Variants in PCDHA12 observed in about 807,000 individuals in gnomAD.
PCDHA12 encodes the protein protocadherin alpha-12.
PCDHA12 carries 44 observed loss-of-function variants against 60.0 expected under a neutral mutation model. That is an observed-to-expected ratio of 0.73 (90% CI 0.58 to 0.94). The LOEUF (loss-of-function observed/expected upper bound fraction) is 0.94. Among genes scored for constraint, PCDHA12 ranks in the 40% least tolerant of loss-of-function variants. The probability of loss-of-function intolerance (pLI) is 0.00; values close to 1 mark genes in which losing one functional copy is unlikely to be tolerated. For missense variants in PCDHA12, 1,276 were observed against 1,239.7 expected, an observed-to-expected ratio of 1.03 and a Z score of -0.44; for synonymous variants, 569 against 553.0, an observed-to-expected ratio of 1.03 and a Z score of -0.40.
Position 140,875,464 on chromosome 5 carries a change from T to A in PCDHA12, c.-9T>A, listed in dbSNP as rs782432702. On this transcript the variant is annotated 5_prime_UTR_variant, in exon 1 of 4. Coordinates refer to ENST00000398631, the MANE Select transcript of PCDHA12 (RefSeq NM_018903.4). ...GATTGTCCCAACTCAGAGGCCCTCA[T>A]TTTCTGCAATGGTGATTATCGGACC... is the stretch of plus-strand genomic sequence containing the variant. The A allele has an allele frequency of 6.3e-7, 1 of 1,599,740 alleles. No homozygotes were observed. Among genetic ancestry groups the A allele is most frequent in the Admixed American group, 1.7e-5 (1 of 57,876 alleles).
intron 1 of PCDHA12, among the ~76,000 whole-genome samples, chr5:140,935,394 G>A (rs959098226): frequency 2.0e-5 from 3 of 152,088 alleles, no homozygotes; most frequent in East Asian, 1.9e-4. Flanking sequence ...GTTATCCCAC[G>A]GGACTCAAAC....
chr5:140,967,146 A>C, intron 1 of PCDHA12: 1 of 1,610,972 alleles, frequency 6.2e-7, no homozygotes, highest in Non-Finnish European at 8.5e-7. Flanking sequence ...CTGGCGCACA[A>C]CCCCGTGGCG....
At chr5:141,001,473 G>A (rs1172395730) in intron 3 of PCDHA12, among the ~76,000 whole-genome samples, 1 of 152,220 alleles carries the variant, frequency 6.6e-6, no homozygotes, top group African/African-American at 2.4e-5. Flanking sequence ...AAGCAGCAGC[G>A]GGGAAGTGCT....
In PCDHA12 at chr5:140,982,560, C is replaced by T. The variant is rs782437404; in HGVS notation, c.2512C>T (p.Pro838Ser). 6.2e-7 allele frequency: 1 copy of T among 1,614,098 alleles called. No homozygotes were observed. Among genetic ancestry groups the T allele is most frequent in the Admixed American group, 1.7e-5 (1 of 60,022 alleles). ...GTGGCCAACAGTATCCAGTGCAACA[C>T]CAGGTAAAGAGCTGGGGTCTCTCCA... ...QQWPTVSSAT[P>S]EPEAGEVSPP... The change falls in exon 3 of 4, where the codon CCA (proline) becomes TCA (serine). Residue 838 changes from proline (P) to serine (S), a missense_variant. Coordinates refer to ENST00000398631, the MANE Select transcript of PCDHA12 (RefSeq NM_018903.4).
At chr5:140,989,777 A>G (rs1406464822) in intron 3 of PCDHA12, among the ~76,000 whole-genome samples, 2 of 152,230 alleles carry the variant, frequency 1.3e-5, no homozygotes, top group African/African-American at 4.8e-5. Context: ...AGCACTGGCT[A>G]GAGACTAGAG....
chr5:140,941,225 T>TTC (rs2092914120), intron 1 of PCDHA12, among the ~76,000 whole-genome samples: 17 of 138,026 alleles, frequency 1.2e-4, no homozygotes, highest in African/African-American at 4.7e-4. Context: ...CTTTCTTTCT[T>TTC]TCTTTCTTTC....
chr5:140,883,558 G>A, intron 1 of PCDHA12: 2 of 1,614,190 alleles, frequency 1.2e-6, no homozygotes, highest in South Asian at 1.1e-5. Context: ...CGCGGGACGG[G>A]GGCTCGCCTT....
Position 140,877,356 on chromosome 5 carries a change from T to G in PCDHA12, c.1884T>G (p.Thr628=), listed in dbSNP as rs1227079705. The G allele has an allele frequency of 9.9e-6, 16 of 1,613,866 alleles. No individual in the cohort carries two copies. Among genetic ancestry groups the G allele is most frequent in the Non-Finnish European group, 1.4e-5 (16 of 1,179,878 alleles). Residue 628 remains threonine (T), a synonymous_variant, in exon 1 of 4, where the codon ACT becomes ACG. Coordinates refer to ENST00000398631, the MANE Select transcript of PCDHA12 (RefSeq NM_018903.4). ...AHIPFHVGLY[T]GEISTTRILD... ...TCCCGTTCCACGTGGGGCTGTACACTGGCGAGATCAGCACGACACGCATCC... is the reference window on the plus strand; with the variant it reads ...TCCCGTTCCACGTGGGGCTGTACACGGGCGAGATCAGCACGACACGCATCC...
At chr5:140,971,643 T>C (rs2096490301) in intron 1 of PCDHA12, among the ~76,000 whole-genome samples, 2 of 152,134 alleles carry the variant, frequency 1.3e-5, no homozygotes, top group African/African-American at 4.8e-5. Flanking sequence ...TGTGCCTACA[T>C]TAAAAGTAGA....
rs562972971 is a variant in PCDHA12, at chr5:140,960,395, A to AG, written c.2368-18547dup. 1.1e-4 allele frequency among the ~76,000 whole-genome samples: 17 copies of AG among 152,266 alleles called. No individual in the cohort carries two copies. The Middle Eastern group carries it at 0.014, about 123-fold the overall frequency. ...TTAAGTGCCAAGACATTAGGATGCAAGGGGGGGTGCCCAAAAAGTCAACAA... is the reference window on the plus strand; with the variant it reads ...TTAAGTGCCAAGACATTAGGATGCAAGGGGGGGGTGCCCAAAAAGTCAACAA... On this transcript the variant is annotated intron_variant, in intron 1 of 3. Coordinates refer to ENST00000398631, the MANE Select transcript of PCDHA12 (RefSeq NM_018903.4).
At chr5:140,978,897 G>A in intron 1 of PCDHA12, 52 bp from the exon 2 acceptor site, 2 of 1,612,776 alleles carry the variant, frequency 1.2e-6, no homozygotes, top group South Asian at 1.1e-5. Flanking sequence ...AGCATTCCTG[G>A]GAGAACATTG....
chr5:140,899,721 T>C (rs1415074846), intron 1 of PCDHA12, among the ~76,000 whole-genome samples: 1 of 152,250 alleles, frequency 6.6e-6, no homozygotes, highest in Non-Finnish European at 1.5e-5. Flanking sequence ...GATTCCCTCT[T>C]TTTCTATTGA....
intron 1 of PCDHA12, chr5:140,968,736 A>G (rs1047961532): frequency 3.1e-6 from 5 of 1,614,098 alleles, no homozygotes; most frequent in East Asian, 2.2e-5. Context: ...AGCACTTTCA[A>G]CCTGACCGTG....
chr5:140,969,366 A>C (rs1554231734), intron 1 of PCDHA12: 1 of 1,609,828 alleles, frequency 6.2e-7, no homozygotes. Context: ...CTACAAACTC[A>C]TGCATTTGTT....
At chr5:140,943,927 A>G (rs1407165466) in intron 1 of PCDHA12, among the ~76,000 whole-genome samples, 2 of 152,236 alleles carry the variant, frequency 1.3e-5, no homozygotes, top group East Asian at 1.9e-4. Flanking sequence ...GAGCAGCTTT[A>G]GAAGTGTGGT....
chr5:140,912,393 G>T (rs1312827248), intron 1 of PCDHA12, among the ~76,000 whole-genome samples: 1 of 147,816 alleles, frequency 6.8e-6, no homozygotes, highest in Admixed American at 6.7e-5. Context: ...TTCTTAATTT[G>T]ATTCTCAGCT....
intron 3 of PCDHA12, among the ~76,000 whole-genome samples, chr5:141,007,590 GATA>G (rs1332143320): frequency 4.0e-5 from 6 of 151,858 alleles, no homozygotes; most frequent in Non-Finnish European, 8.8e-5. Context: ...TAATAATCAT[GATA>G]ATAATAAAAG....
chr5:140,877,637 G>C lies in PCDHA12; in HGVS notation c.2165G>C (p.Arg722Pro). 6.2e-7 allele frequency: 1 copy of C among 1,613,638 alleles called. No individual in the cohort carries two copies. Among genetic ancestry groups the C allele is most frequent in the South Asian group, 1.1e-5 (1 of 91,074 alleles). Residue 722 changes from arginine to proline, a missense_variant, in exon 1 of 4, where the codon CGT becomes CCT. By Grantham distance (103) the Arg-to-Pro change is moderately radical (BLOSUM62 -2). Transcript: ENST00000398631. Reference sequence around the variant, plus strand: ...ACGCTGCTGCTGTACACTGCGCTGCGTTGCTCAGCGCCGCCCACCGTGAGC... The same window carrying C: ...ACGCTGCTGCTGTACACTGCGCTGCCTTGCTCAGCGCCGCCCACCGTGAGC... Reference protein sequence around the residue: ...VLTLLLYTALRCSAPPTVSRC... With the variant: ...VLTLLLYTALPCSAPPTVSRC...
intron 1 of PCDHA12, among the ~76,000 whole-genome samples, chr5:140,911,819 A>C (rs2075652599): frequency 6.6e-6 from 1 of 152,164 alleles, no homozygotes; most frequent in Admixed American, 6.6e-5. Context: ...CTTCTCCAGA[A>C]ACCCCAAAAC....
Sources: allele counts gnomAD v4.1 joint callset (sites outside exome capture counted in the v4.1 genomes callset), GRCh38; gene constraint gnomAD v4.1.1; transcripts MANE v1.5; gene names NCBI Gene and HGNC (gene_info 2026-07-23, HGNC 2026-07-21).